SPTLC1: variants seen among roughly 807,000 people sequenced by gnomAD.
SPTLC1 encodes serine palmitoyltransferase long chain base subunit 1, also known as serine palmitoyltransferase 1.
A neutral mutation model predicts 68.9 loss-of-function variants in SPTLC1; 55 were observed. The observed-to-expected ratio is 0.80, with a 90% CI of 0.64 to 1.00. The LOEUF (loss-of-function observed/expected upper bound fraction) is 1.00, where lower values mean the gene tolerates loss of function less well. Ranked by LOEUF, SPTLC1 falls within the 50% of genes least tolerant of loss-of-function variation. The pLI, the probability that SPTLC1 is intolerant of heterozygous loss-of-function variation, is 0.00. For missense variants in SPTLC1, 449 were observed against 573.1 expected (o/e 0.78, Z 2.21); for synonymous variants, 197 against 201.6 (o/e 0.98, Z 0.19).
intron 3 of SPTLC1, among the ~76,000 whole-genome samples, chr9:92,086,079 G>C (rs941493883): frequency 2.7e-5 from 4 of 150,864 alleles, no homozygotes; most frequent in Non-Finnish European, 4.4e-5. Flanking sequence ...GCCTTTTTTT[G>C]TTTTCCATTT....
At chr9:92,039,925 T>C (rs1833280185) in intron 12 of SPTLC1, among the ~76,000 whole-genome samples, 1 of 152,206 alleles carries the variant, frequency 6.6e-6, no homozygotes, top group Non-Finnish European at 1.5e-5. Context: ...GCATGTGGAA[T>C]GTGGGGGAAC....
intron 5 of SPTLC1, among the ~76,000 whole-genome samples, chr9:92,068,889 A>C (rs961387755): frequency 7.9e-5 from 12 of 152,290 alleles, no homozygotes; most frequent in African/African-American, 2.4e-4. Flanking sequence ...TAAAACTTTA[A>C]AACAGCCTTA....
chr9:92,055,303 G>A (rs937922992), intron 8 of SPTLC1, 102 bp downstream of exon 8: 38 of 1,565,138 alleles, frequency 2.4e-5, no homozygotes, highest in African/African-American at 1.2e-4. Context: ...GGCCTAATGC[G>A]CAAAGCAACG....
chr9:92,097,395 AT>A (rs1247820478), intron 3 of SPTLC1, among the ~76,000 whole-genome samples: 1 of 152,202 alleles, frequency 6.6e-6, no homozygotes, highest in African/African-American at 2.4e-5. Flanking sequence ...ATTATTTTTT[AT>A]TTTTTCATAT....
At chr9:92,105,445 C>A (rs930955113) in intron 3 of SPTLC1, 27 of 1,322,788 alleles carry the variant, frequency 2.0e-5, no homozygotes, top group Non-Finnish European at 2.8e-5. Context: ...GTGGCCCACG[C>A]CTGTAATCCA....
At chr9:92,057,967 A>G (rs1360137217) in intron 7 of SPTLC1, among the ~76,000 whole-genome samples, 2 of 152,236 alleles carry the variant, frequency 1.3e-5, no homozygotes, top group African/African-American at 4.8e-5. Context: ...CTTGAATCTG[A>G]TGTTTTCCAA....
At chr9:92,102,905 C>T (rs1157505034) in intron 3 of SPTLC1, among the ~76,000 whole-genome samples, 3 of 151,968 alleles carry the variant, frequency 2.0e-5, no homozygotes, top group African/African-American at 7.3e-5. Context: ...GTCCAGACAC[C>T]CAAGAGTATG....
At chr9:92,085,439 G>A (rs146113105) in intron 3 of SPTLC1, among the ~76,000 whole-genome samples, 16,282 of 151,890 alleles carry the variant, frequency 0.11, 1,862 homozygotes, top group African/African-American at 0.3. Context: ...CTGGTATGTA[G>A]TGTCTTTGTT....
chr9:92,113,857 T>C (rs1475141301), intron 1 of SPTLC1, among the ~76,000 whole-genome samples: 1 of 152,228 alleles, frequency 6.6e-6, no homozygotes, highest in Admixed American at 6.5e-5. Flanking sequence ...TTGAAATGAA[T>C]GTAAGCTCTT....
intron 12 of SPTLC1, among the ~76,000 whole-genome samples, chr9:92,045,176 T>C (rs1228083773): frequency 6.6e-6 from 1 of 152,194 alleles, no homozygotes; most frequent in Non-Finnish European, 1.5e-5. Flanking sequence ...CATTTATCAA[T>C]TGTCCTTTTC....
rs879108496 is a variant in SPTLC1 at position 92,034,821 on chromosome 9, G to C, written c.1317C>G (p.Leu439=). The change falls in exon 14 of 15, where the codon CTC becomes CTG. Residue 439 remains leucine, a synonymous_variant. Transcript: ENST00000262554. ...ARYLEKEEKC[L]PPPSIRVVVT... ...TAACGTCAACTGACCTGGGAGGAGG[G>C]AGACACTTCTCTTCTTTCTCCAAGT... 1 of 1,613,946 alleles carries C rather than the reference G, an allele frequency of 6.2e-7. No homozygotes were observed. The highest frequency in any genetic ancestry group is 8.5e-7 in the Non-Finnish European group (1 of 1,179,864).
At chr9:92,036,117 T>A (rs1253623473) in intron 13 of SPTLC1, among the ~76,000 whole-genome samples, 6 of 152,224 alleles carry the variant, frequency 3.9e-5, no homozygotes, top group Admixed American at 3.9e-4. Context: ...GCTGTGATGA[T>A]GCACAGAAGC....
At chr9:92,114,512 G>T (rs1293252259) in intron 1 of SPTLC1, among the ~76,000 whole-genome samples, 6 of 152,140 alleles carry the variant, frequency 3.9e-5, no homozygotes, top group Non-Finnish European at 7.4e-5. Context: ...AAGGCGGGCG[G>T]ATCACCTGAG....
intron 3 of SPTLC1, among the ~76,000 whole-genome samples, chr9:92,098,257 C>G (rs1203319054): frequency 6.6e-6 from 1 of 152,204 alleles, no homozygotes; most frequent in African/African-American, 2.4e-5. Context: ...CGCATGCCCA[C>G]TAGGGCGTGT....
intron 3 of SPTLC1, among the ~76,000 whole-genome samples, chr9:92,101,561 CAAAA>C (rs61125464): frequency 8.7e-5 from 4 of 45,946 alleles, no homozygotes; most frequent in East Asian, 5.3e-4. Context: ...GACTCCGTCT[CAAAA>C]AAAAAAAAAA....
intron 8 of SPTLC1, among the ~76,000 whole-genome samples, chr9:92,051,649 C>T (rs558424386): frequency 2.0e-5 from 3 of 152,252 alleles, no homozygotes; most frequent in African/African-American, 7.2e-5. Context: ...AGATAAAGGG[C>T]ATCCAAATTG....
At chr9:92,051,336 T>TG in intron 8 of SPTLC1, 1 of 851,292 alleles carries the variant, frequency 1.2e-6, no homozygotes, top group Non-Finnish European at 1.4e-6. Flanking sequence ...CAAATATGTA[T>TG]TACATACACA....
At chr9:92,069,052 T>TA (rs1179028511) in intron 5 of SPTLC1, among the ~76,000 whole-genome samples, 2 of 152,028 alleles carry the variant, frequency 1.3e-5, no homozygotes, top group Non-Finnish European at 1.5e-5. Flanking sequence ...CCTCCAGTCT[T>TA]AGAGCGCTAT....
At chr9:92,078,921 A>G (rs907595364) in intron 5 of SPTLC1, 7 of 408,252 alleles carry the variant, frequency 1.7e-5, no homozygotes, top group Non-Finnish European at 2.3e-5. Flanking sequence ...CACAAAAGTA[A>G]AAAACTTAAC....
Sources: gnomAD v4.1 joint callset for allele counts (sites outside exome capture counted in the v4.1 genomes callset) on GRCh38, gnomAD v4.1.1 for gene constraint, MANE v1.5 for transcripts, NCBI Gene and HGNC (gene_info 2026-07-23, HGNC 2026-07-21) for gene names.